SLF1: variants seen among roughly 807,000 people sequenced by gnomAD.
SLF1 encodes the protein SMC5/6 complex localization factor 1.
SLF1 carries 105 observed loss-of-function variants against 123.0 expected under a neutral mutation model. That is an observed-to-expected ratio of 0.85 (90% CI 0.73 to 1.00). The LOEUF is 1.00. SLF1 is among the 50% of genes least tolerant of loss of function. The pLI, the probability that SLF1 is intolerant of heterozygous loss-of-function variation, is 0.00. For missense variants in SLF1, 1,239 were observed against 1,223.0 expected, an observed-to-expected ratio of 1.01 and a Z score of -0.20; for synonymous variants, 434 against 406.6, an observed-to-expected ratio of 1.07 and a Z score of -0.81.
intron 5 of SLF1, among the ~76,000 whole-genome samples, chr5:94,646,565 G>A (rs1747088083): frequency 6.6e-6 from 1 of 152,118 alleles, no homozygotes; most frequent in Non-Finnish European, 1.5e-5. Flanking sequence ...AATGACTAAC[G>A]TATCTCAATT....
chr5:94,671,687 A>C (rs1404954432), intron 14 of SLF1, among the ~76,000 whole-genome samples: 1 of 139,154 alleles, frequency 7.2e-6, no homozygotes, highest in African/African-American at 2.7e-5. Flanking sequence ...TATCTTCTTG[A>C]ATCTTTTTTT....
At chr5:94,686,447 T>C (rs2152497044) in intron 15 of SLF1, 126 bp from the exon 16 acceptor site, 2 of 1,004,326 alleles carry the variant, frequency 2.0e-6, no homozygotes, top group East Asian at 5.0e-5. Flanking sequence ...ATTAAAATCA[T>C]GTGGATGAAT....
rs933529828 is a variant in SLF1 at position 94,680,749 on chromosome 5, A to G, written c.1975+1794A>G. ...TACTACCTGTTATACATTTGCTTCA[A>G]TGCTTTCTTCACTAATATTCTGAAT... On this transcript the variant is annotated intron_variant, in intron 15 of 20. Coordinates refer to ENST00000265140, the MANE Select transcript of SLF1 (RefSeq NM_032290.4). Among the ~76,000 whole-genome samples the G allele has an allele frequency of 3.3e-5, 5 of 152,312 alleles. No homozygotes were observed. In the East Asian group the frequency reaches 9.6e-4, roughly 29 times the overall value.
At chr5:94,662,447 C>A in intron 10 of SLF1, 96 bp downstream of exon 10, 6 of 989,556 alleles carry the variant, frequency 6.1e-6, no homozygotes, top group South Asian at 2.3e-5. Context: ...GTTGTATGCA[C>A]AATAAAAGGT....
In SLF1 at chr5:94,663,392, C is replaced by G. The variant is rs925018016; in HGVS notation, c.1210-358C>G. Among the ~76,000 whole-genome samples, 17 of 152,198 alleles carry G rather than the reference C, an allele frequency of 1.1e-4. 1 individual carries two copies. The highest frequency in any genetic ancestry group is 4.1e-4 in the African/African-American group (17 of 41,452). On this transcript the variant is annotated intron_variant, in intron 10 of 20. Coordinates refer to ENST00000265140, the MANE Select transcript of SLF1 (RefSeq NM_032290.4). ...GGTGCAGTGGCTTACGCCTATAATC[C>G]CAGCACTTTGGGAGGCCAAGGCAAG...
intron 5 of SLF1, among the ~76,000 whole-genome samples, chr5:94,643,940 A>G (rs2152474796): frequency 6.6e-6 from 1 of 152,166 alleles, no homozygotes; most frequent in Middle Eastern, 3.4e-3. Flanking sequence ...ATGTCCAAAA[A>G]CGACCTTGTT....
At chr5:94,633,215 G>C (rs539381197) in intron 4 of SLF1, among the ~76,000 whole-genome samples, 2 of 151,490 alleles carry the variant, frequency 1.3e-5, no homozygotes, top group Non-Finnish European at 1.5e-5. Context: ...TCAAACTCCC[G>C]ACCTCAGGTG....
At position 94,643,903 on chromosome 5, in the gene SLF1, C is replaced by T. The variant is rs544908450; in HGVS notation, c.594+468C>T. ...GATAAGCAAAGAAGAATTTTAAGAG[C>T]ACTCAGGGGAGAAGAGAACCCTTAG... On this transcript the variant is annotated intron_variant, in intron 5 of 20. Coordinates refer to ENST00000265140, the MANE Select transcript of SLF1 (RefSeq NM_032290.4). Among the ~76,000 whole-genome samples, 52 of 152,188 alleles carry T rather than the reference C, an allele frequency of 3.4e-4. 1 individual carries two copies. The South Asian group carries it at 0.011, about 31-fold the overall frequency.
chr5:94,688,612 C>G lies in SLF1; in HGVS notation c.2228C>G (p.Thr743Ser). ...CGGCCTTGTTTTGACTCTCAGAGAA[C>G]CTTACTAATGCTGAATGGTACTAAA... Reference protein sequence around the residue: ...GQRPCFDSQRTLLMLNGTKQK... With the variant: ...GQRPCFDSQRSLLMLNGTKQK... The change falls in exon 17 of 21, where the codon ACC becomes AGC. Residue 743 changes from threonine to serine, a missense_variant. Thr to Ser is a moderately conservative substitution (Grantham distance 58). Transcript: ENST00000265140. 6.2e-7 allele frequency: 1 copy of G among 1,614,008 alleles called. No homozygotes were observed. The highest frequency in any genetic ancestry group is 8.5e-7 in the Non-Finnish European group (1 of 1,179,964).
intron 4 of SLF1, among the ~76,000 whole-genome samples, chr5:94,640,057 A>G (rs951887493): frequency 1.3e-5 from 2 of 152,250 alleles, no homozygotes; most frequent in Non-Finnish European, 2.9e-5. Context: ...AATGAAATGT[A>G]TCTTCAGTAT....
rs569427920 is a variant in SLF1, at chr5:94,682,007, C to T, written c.1975+3052C>T. On this transcript the variant is annotated intron_variant, in intron 15 of 20. Transcript: ENST00000265140. ...TTTGAAGGCTAAGCAACCAACTGTG[C>T]GTGTGTGTGCATGTGTGTGTGTGTG... Among the ~76,000 whole-genome samples the T allele has an allele frequency of 2.6e-3, 394 of 152,036 alleles. 2 individuals are homozygous for T. Among genetic ancestry groups the T allele is most frequent in the South Asian group, 8.3e-3 (40 of 4,804 alleles).
chr5:94,670,090 G>T, intron 12 of SLF1, 61 bp from the exon 13 acceptor site: 1 of 1,442,078 alleles, frequency 6.9e-7, no homozygotes, highest in Admixed American at 2.8e-5. Context: ...GAAATATTTT[G>T]TTCACAAATG....
In SLF1 at chr5:94,628,150, GTTTA is replaced by G. The variant is rs775440699; in HGVS notation, c.1-653_1-650del. On this transcript the variant is annotated intron_variant, in intron 1 of 20. Coordinates refer to ENST00000265140, the MANE Select transcript of SLF1 (RefSeq NM_032290.4). Reference sequence around the variant, plus strand: ...CTGGCCAACAATACTTTCTTTATTTGTTTATTTATTTTTGAGATGGAGTCTTGCT... The same window carrying G: ...CTGGCCAACAATACTTTCTTTATTTGTTTATTTTTGAGATGGAGTCTTGCT... Among the ~76,000 whole-genome samples the G allele has an allele frequency of 1.4e-4, 21 of 148,926 alleles. No individual in the cohort carries two copies. In the East Asian group the frequency reaches 2.5e-3, roughly 18 times the overall value.
chr5:94,681,637 ACCCTCCC>A (rs1000359851), intron 15 of SLF1, among the ~76,000 whole-genome samples: 1 of 129,638 alleles, frequency 7.7e-6, no homozygotes, highest in African/African-American at 2.8e-5. Context: ...CCCAATGCTA[ACCCTCCC>A]CCCTCCCCCC....
At chr5:94,670,083 A>G (rs1404923063) in intron 12 of SLF1, 68 bp from the exon 13 acceptor site, 2 of 1,425,284 alleles carry the variant, frequency 1.4e-6, no homozygotes, top group Non-Finnish European at 1.9e-6. Flanking sequence ...AGAAGGAGAA[A>G]TATTTTGTTC....
chr5:94,654,695 A>G lies in SLF1; in HGVS notation c.1098A>G (p.Thr366=). ...AKESKAMAIK[T]DVDVVEIKNT... ...AATCAAAAGCCATGGCTATTAAGAC[A>G]GATGTGGATGTTGTTGAAATAAAAA... The change falls in exon 9 of 21, where the codon ACA becomes ACG. Residue 366 remains threonine, a synonymous_variant. Transcript: ENST00000265140. 5 of 1,545,626 alleles carry G rather than the reference A, an allele frequency of 3.2e-6. No homozygotes were observed. Among genetic ancestry groups the G allele is most frequent in the Non-Finnish European group, 4.4e-6 (5 of 1,143,746 alleles).
intron 10 of SLF1, among the ~76,000 whole-genome samples, chr5:94,662,896 GTAGT>G (rs1749297948): frequency 6.6e-6 from 1 of 152,060 alleles, no homozygotes; most frequent in Non-Finnish European, 1.5e-5. Flanking sequence ...ATTATTCAAG[GTAGT>G]TACTTTTATT....
chr5:94,691,797 C>T, intron 19 of SLF1, 141 bp downstream of exon 19: 1 of 707,422 alleles, frequency 1.4e-6, no homozygotes, highest in Non-Finnish European at 2.1e-6. Flanking sequence ...TTAGCAAAGC[C>T]AAGAAATTTC....
At position 94,688,530 on chromosome 5, in the gene SLF1, G is replaced by A; in HGVS notation, c.2146G>A (p.Gly716Arg). Reference protein sequence around the residue: ...KMVYSYLPALGKTGVLGSGKI... With the variant: ...KMVYSYLPALRKTGVLGSGKI... ...GGTATATTCCTATTTACCAGCCTTG[G>A]GGAAAACTGGTGTGCTTGGGTCTGG... The change falls in exon 17 of 21, where the codon GGG (glycine) becomes AGG (arginine). Residue 716 changes from glycine to arginine, a missense_variant. Coordinates refer to ENST00000265140, the MANE Select transcript of SLF1 (RefSeq NM_032290.4). 3.1e-6 allele frequency: 5 copies of A among 1,613,894 alleles called. No individual in the cohort carries two copies. Among genetic ancestry groups the A allele is most frequent in the Non-Finnish European group, 4.2e-6 (5 of 1,179,900 alleles).
Sources: allele counts gnomAD v4.1 joint callset (sites outside exome capture counted in the v4.1 genomes callset), GRCh38; gene constraint gnomAD v4.1.1; transcripts MANE v1.5; gene names NCBI Gene and HGNC (gene_info 2026-07-23, HGNC 2026-07-21).